Variants in CNTNAP2 observed in about 807,000 individuals in gnomAD.
CNTNAP2 encodes the protein contactin associated protein 2.
A neutral mutation model predicts 155.2 loss-of-function variants in CNTNAP2; 98 were observed. The ratio of observed to expected loss-of-function variants is 0.63; its 90% CI spans 0.54 to 0.75. The LOEUF (loss-of-function observed/expected upper bound fraction) is 0.75, where lower values mean the gene tolerates loss of function less well. CNTNAP2 is among the 30% of genes least tolerant of loss of function. The pLI is 0.00. For missense variants in CNTNAP2, 1,727 were observed against 1,688.1 expected, an observed-to-expected ratio of 1.02 and a Z score of -0.40; for synonymous variants, 651 against 631.2, an observed-to-expected ratio of 1.03 and a Z score of -0.47.
intron 1 of CNTNAP2, among the ~76,000 whole-genome samples, chr7:146,119,673 C>T (rs117647198): frequency 0.012 from 1,821 of 152,104 alleles, 20 homozygotes; most frequent in Non-Finnish European, 0.019. Flanking sequence ...ATTAAGCTAG[C>T]GCTTAATAAA....
chr7:146,994,476 T>C (rs1347154062), intron 3 of CNTNAP2, among the ~76,000 whole-genome samples: 3 of 152,160 alleles, frequency 2.0e-5, no homozygotes, highest in Non-Finnish European at 2.9e-5. Flanking sequence ...CTATATACAA[T>C]TTAAATTTTA....
intron 3 of CNTNAP2, among the ~76,000 whole-genome samples, chr7:147,011,447 A>AACAAGGT (rs1456241317): frequency 6.9e-6 from 1 of 144,648 alleles, no homozygotes. Flanking sequence ...AAAAAAAAGG[A>AACAAGGT]ACAAGGTTGT....
At chr7:147,924,263 C>T (rs1269745964) in intron 14 of CNTNAP2, among the ~76,000 whole-genome samples, 2 of 151,572 alleles carry the variant, frequency 1.3e-5, no homozygotes, top group African/African-American at 2.4e-5. Flanking sequence ...CTCAGCCTCC[C>T]GAGTAGCTGG....
intron 1 of CNTNAP2, among the ~76,000 whole-genome samples, chr7:146,566,715 AAAAATT>A (rs1201786464): frequency 9.7e-4 from 106 of 109,348 alleles, no homozygotes; most frequent in East Asian, 2.3e-3. Flanking sequence ...AAATAAAAAT[AAAAATT>A]AAAATTAAAA....
intron 10 of CNTNAP2, among the ~76,000 whole-genome samples, chr7:147,483,115 TA>T (rs1798452469): frequency 6.6e-6 from 1 of 151,944 alleles, no homozygotes; most frequent in African/African-American, 2.4e-5. Context: ...TGTATCTAAA[TA>T]AAAAATACTT....
intron 10 of CNTNAP2, among the ~76,000 whole-genome samples, chr7:147,469,109 T>G (rs1314167492): frequency 6.6e-6 from 1 of 151,872 alleles, no homozygotes; most frequent in Non-Finnish European, 1.5e-5. Context: ...AGGCATGAGC[T>G]GCCGTGACAG....
At chr7:146,301,195 A>G (rs1800603190) in intron 1 of CNTNAP2, among the ~76,000 whole-genome samples, 1 of 152,198 alleles carries the variant, frequency 6.6e-6, no homozygotes, top group South Asian at 2.1e-4. Context: ...TGACATTTCC[A>G]AAACCAATTG....
chr7:146,184,135 A>T (rs942937169), intron 1 of CNTNAP2, among the ~76,000 whole-genome samples: 2 of 152,240 alleles, frequency 1.3e-5, no homozygotes, highest in Non-Finnish European at 2.9e-5. Context: ...ACTACTCAGT[A>T]TGCTCAAAAG....
At chr7:146,576,372 T>C (rs1388361834) in intron 1 of CNTNAP2, among the ~76,000 whole-genome samples, 1 of 152,120 alleles carries the variant, frequency 6.6e-6, no homozygotes, top group African/African-American at 2.4e-5. Flanking sequence ...TTTATTGGGG[T>C]AGATATGGAC....
At chr7:146,829,141 T>A (rs1327795254) in intron 2 of CNTNAP2, among the ~76,000 whole-genome samples, 2 of 151,918 alleles carry the variant, frequency 1.3e-5, no homozygotes, top group Non-Finnish European at 2.9e-5. Flanking sequence ...TGAAAATAAT[T>A]TACATATTTT....
At chr7:146,812,666 A>G (rs1021594230) in intron 2 of CNTNAP2, among the ~76,000 whole-genome samples, 2 of 152,094 alleles carry the variant, frequency 1.3e-5, no homozygotes, top group African/African-American at 4.8e-5. Flanking sequence ...TCCAGGGAGA[A>G]ATTCAGGCTC....
chr7:146,148,550 T>C (rs1018278603), intron 1 of CNTNAP2, among the ~76,000 whole-genome samples: 1 of 152,144 alleles, frequency 6.6e-6, no homozygotes, highest in African/African-American at 2.4e-5. Context: ...CTCTGTTTCC[T>C]ACTGATAAAG....
chr7:147,524,839 T>C (rs1799289820), intron 11 of CNTNAP2, among the ~76,000 whole-genome samples: 1 of 152,098 alleles, frequency 6.6e-6, no homozygotes, highest in Non-Finnish European at 1.5e-5. Flanking sequence ...GCTCTAGTGG[T>C]CACAATGACA....
intron 11 of CNTNAP2, among the ~76,000 whole-genome samples, chr7:147,536,577 G>A (rs775546265): frequency 1.3e-5 from 2 of 152,210 alleles, no homozygotes; most frequent in African/African-American, 4.8e-5. Context: ...GAGTTTTTGC[G>A]AGTGAGGGGA....
At chr7:146,220,256 A>G (rs1347374785) in intron 1 of CNTNAP2, among the ~76,000 whole-genome samples, 1 of 149,452 alleles carries the variant, frequency 6.7e-6, no homozygotes, top group African/African-American at 2.5e-5. Flanking sequence ...TTTGCCCTTC[A>G]TGAAAATCTT....
chr7:147,190,626 T>C (rs879896937), intron 8 of CNTNAP2, among the ~76,000 whole-genome samples: 5 of 152,156 alleles, frequency 3.3e-5, no homozygotes, highest in Non-Finnish European at 7.3e-5. Flanking sequence ...GATATACCGA[T>C]GTGCATTCCA....
At chr7:146,333,447 G>A (rs1448641647) in intron 1 of CNTNAP2, among the ~76,000 whole-genome samples, 1 of 152,146 alleles carries the variant, frequency 6.6e-6, no homozygotes, top group Admixed American at 6.5e-5. Context: ...AGAAACACAA[G>A]CCTGTTATCT....
intron 15 of CNTNAP2, among the ~76,000 whole-genome samples, chr7:147,981,580 G>A (rs1048102331): frequency 6.6e-6 from 1 of 152,184 alleles, no homozygotes; most frequent in Admixed American, 6.5e-5. Flanking sequence ...CCATCCTCTA[G>A]TCTCAGAGAA....
chr7:146,245,390 T>A (rs1383374581), intron 1 of CNTNAP2, among the ~76,000 whole-genome samples: 1 of 152,060 alleles, frequency 6.6e-6, no homozygotes, highest in African/African-American at 2.4e-5. Context: ...TTTTGGAAGT[T>A]ATGAGAAATG....
Sources: allele counts gnomAD v4.1 joint callset (sites outside exome capture counted in the v4.1 genomes callset), GRCh38; gene constraint gnomAD v4.1.1; transcripts MANE v1.5; gene names NCBI Gene and HGNC (gene_info 2026-07-23, HGNC 2026-07-21).